ELAPOR2: variants seen among roughly 807,000 people sequenced by gnomAD.
ELAPOR2 encodes endosome-lysosome associated apoptosis and autophagy regulator family member 2.
ELAPOR2 carries 89 observed loss-of-function variants against 120.7 expected under a neutral mutation model. That is an observed-to-expected ratio of 0.74 (90% confidence interval 0.62 to 0.88). The LOEUF is 0.88. ELAPOR2 is among the 40% of genes least tolerant of loss of function. The pLI is 0.00. For missense variants in ELAPOR2, 1,134 were observed against 1,251.6 expected, an observed-to-expected ratio of 0.91 and a Z score of 1.42; for synonymous variants, 444 against 444.9, an observed-to-expected ratio of 1.00 and a Z score of 0.03.
At chr7:87,034,735 A>T (rs1004017076) in intron 1 of ELAPOR2, among the ~76,000 whole-genome samples, 6 of 152,120 alleles carry the variant, frequency 3.9e-5, no homozygotes, top group Non-Finnish European at 7.4e-5. Flanking sequence ...ACCAAAGGGC[A>T]CTGTGTTTTT....
chr7:86,951,617 T>A (rs955092331), intron 2 of ELAPOR2, among the ~76,000 whole-genome samples: 1 of 152,192 alleles, frequency 6.6e-6, no homozygotes, highest in African/African-American at 2.4e-5. Context: ...ACAAACACAG[T>A]AAATTCTTGT....
chr7:86,909,708 G>A (rs1428043012), intron 16 of ELAPOR2, 104 bp downstream of exon 16: 2 of 946,676 alleles, frequency 2.1e-6, no homozygotes, highest in Admixed American at 5.2e-5. Context: ...ATTACCTGTG[G>A]GGGCCTTAAT....
intron 1 of ELAPOR2, among the ~76,000 whole-genome samples, chr7:86,975,706 C>T (rs1277629499): frequency 6.6e-6 from 1 of 152,176 alleles, no homozygotes; most frequent in Non-Finnish European, 1.5e-5. Flanking sequence ...CACACTGGTG[C>T]TAACCAAGAT....
In ELAPOR2 at chr7:86,907,038, T is replaced by A. The variant is rs191550460; in HGVS notation, c.2558+632A>T. On this transcript the variant is annotated intron_variant, in intron 18 of 21. Transcript: ENST00000450689. ...CAATTCTGAGCCTACAAAATTGTTTTCTTGTTGTTTTCCCATCCAAAGCGA... is the reference window on the plus strand; with the variant it reads ...CAATTCTGAGCCTACAAAATTGTTTACTTGTTGTTTTCCCATCCAAAGCGA... 6.6e-5 allele frequency among the ~76,000 whole-genome samples: 10 copies of A among 152,258 alleles called. No homozygotes were observed. The East Asian group carries it at 1.2e-3, about 18-fold the overall frequency.
Position 86,893,020 on chromosome 7 carries a change from T to C in ELAPOR2, c.2766A>G (p.Glu922=). 1 of 1,587,364 alleles carries C rather than the reference T, an allele frequency of 6.3e-7. No homozygotes were observed. The highest frequency in any genetic ancestry group is 8.5e-7 in the Non-Finnish European group (1 of 1,170,742). ...SLPEKKLATC[E]TVDFWLKVGA... is the part of the protein sequence containing the mutation. The stretch of plus-strand genomic sequence containing the variant: ...CCACCTTCAGCCAAAAGTCAACCGT[T>C]TCACAGGTTGCCAACTTTTTCTCAG... Residue 922 remains glutamate (E), a synonymous_variant, in exon 20 of 22, where the codon GAA becomes GAG. Transcript: ENST00000450689.
chr7:87,011,249 CAAAAAAAAAAA>C (rs772971682), intron 1 of ELAPOR2, among the ~76,000 whole-genome samples: 3 of 52,986 alleles, frequency 5.7e-5, no homozygotes, highest in Non-Finnish European at 8.7e-5. Context: ...GACTCCATCT[CAAAAAAAAAAA>C]AAAAAAAAGA....
chr7:87,048,425 A>C (rs1297355796), intron 1 of ELAPOR2, among the ~76,000 whole-genome samples: 1 of 152,188 alleles, frequency 6.6e-6, no homozygotes, highest in African/African-American at 2.4e-5. Context: ...TCTAAAAATC[A>C]AAACAAGTGA....
At chr7:87,007,523 C>T (rs1793522687) in intron 1 of ELAPOR2, among the ~76,000 whole-genome samples, 1 of 152,258 alleles carries the variant, frequency 6.6e-6, no homozygotes, top group Non-Finnish European at 1.5e-5. Context: ...CATAAACACA[C>T]ATTTTCTAGA....
intron 1 of ELAPOR2, among the ~76,000 whole-genome samples, chr7:86,977,156 C>G (rs1472629996): frequency 2.0e-5 from 3 of 152,140 alleles, no homozygotes; most frequent in Admixed American, 6.5e-5. Context: ...AATCATTGTG[C>G]TAAGTTCACA....
In ELAPOR2 at chr7:86,942,036, T is replaced by G. The variant is rs977770621; in HGVS notation, c.723A>C (p.Gly241=). ...GACTTACAGAATGAGAGCCCCATTC[T>G]CCATTGTCTGTAAGTTTTACCCACT... ...TDKWVKLTDN[G]EWGSHSVMLK... The change falls in exon 5 of 22, where the codon GGA becomes GGC. Residue 241 remains glycine (G), a synonymous_variant. Coordinates refer to ENST00000450689, the MANE Select transcript of ELAPOR2 (RefSeq NM_001142749.3). The G allele has an allele frequency of 5.2e-6, 8 of 1,547,296 alleles. No individual in the cohort carries two copies. The highest frequency in any genetic ancestry group is 7.0e-6 in the Non-Finnish European group (8 of 1,143,326).
intron 18 of ELAPOR2, among the ~76,000 whole-genome samples, chr7:86,902,837 C>T (rs897356905): frequency 1.1e-4 from 17 of 152,114 alleles, no homozygotes; most frequent in African/African-American, 4.1e-4. Flanking sequence ...CCTTTTCGCC[C>T]AATAAATTCC....
At position 86,925,671 on chromosome 7, in the gene ELAPOR2, TA is replaced by T; in HGVS notation, c.1271-16del. 2 of 1,610,184 alleles carry T rather than the reference TA, an allele frequency of 1.2e-6. No individual in the cohort carries two copies. Among genetic ancestry groups the T allele is most frequent in the East Asian group, 4.5e-5 (2 of 44,764 alleles). ...TGGTCTACATTCTACAGGAGACAAG[TA>T]GGGTCAACAATTAAAATTAAACTGC... On this transcript the variant is annotated splice_polypyrimidine_tract_variant and intron_variant, in intron 9 of 21. Transcript: ENST00000450689.
At chr7:87,050,810 G>A (rs1218430132) in intron 1 of ELAPOR2, among the ~76,000 whole-genome samples, 1 of 152,170 alleles carries the variant, frequency 6.6e-6, no homozygotes, top group Non-Finnish European at 1.5e-5. Flanking sequence ...GAAGTGAGAA[G>A]TTCTGATTCA....
chr7:87,034,287 G>T (rs181512413), intron 1 of ELAPOR2, among the ~76,000 whole-genome samples: 1 of 152,114 alleles, frequency 6.6e-6, no homozygotes, highest in East Asian at 1.9e-4. Flanking sequence ...ATTAGAGTTA[G>T]GGAGATGAGT....
chr7:86,968,118 C>G (rs991435586), intron 1 of ELAPOR2, among the ~76,000 whole-genome samples: 1 of 152,020 alleles, frequency 6.6e-6, no homozygotes, highest in African/African-American at 2.4e-5. Context: ...GCGAAAGGTA[C>G]GATGTATATT....
At chr7:86,972,998 G>A (rs1443875279) in intron 1 of ELAPOR2, among the ~76,000 whole-genome samples, 2 of 152,046 alleles carry the variant, frequency 1.3e-5, no homozygotes, top group Non-Finnish European at 2.9e-5. Context: ...TTTGTCCACA[G>A]TATGGTCCCA....
At chr7:86,970,106 C>A (rs901228931) in intron 1 of ELAPOR2, among the ~76,000 whole-genome samples, 4 of 152,104 alleles carry the variant, frequency 2.6e-5, no homozygotes, top group African/African-American at 9.7e-5. Flanking sequence ...CAGATTAGCT[C>A]ACATTAGTAA....
intron 1 of ELAPOR2, among the ~76,000 whole-genome samples, chr7:86,970,690 A>G (rs1792079022): frequency 6.6e-6 from 1 of 152,218 alleles, no homozygotes; most frequent in Non-Finnish European, 1.5e-5. Flanking sequence ...ATTATTAAGT[A>G]CATGAGCACA....
intron 1 of ELAPOR2, among the ~76,000 whole-genome samples, chr7:87,049,498 G>C (rs931753394): frequency 6.6e-6 from 1 of 152,112 alleles, no homozygotes; most frequent in Admixed American, 6.5e-5. Context: ...TAGCTAGGAT[G>C]CTCTCAATCT....
Sources: allele counts gnomAD v4.1 joint callset (sites outside exome capture counted in the v4.1 genomes callset), GRCh38; gene constraint gnomAD v4.1.1; transcripts MANE v1.5; gene names NCBI Gene and HGNC (gene_info 2026-07-23, HGNC 2026-07-21).